Variants in ZNF407 observed in about 807,000 individuals in gnomAD.
ZNF407 encodes zinc finger protein 407.
ZNF407 carries 17 observed loss-of-function variants against 131.2 expected under a neutral mutation model. The ratio of observed to expected loss-of-function variants is 0.13; its 90% CI spans 0.09 to 0.19. ZNF407 has a LOEUF of 0.19. Ranked by LOEUF, ZNF407 falls within the 10% of genes least tolerant of loss-of-function variation. ZNF407 has a pLI of 1.00. For synonymous variants in ZNF407, 1,156 were observed against 1,062.0 expected (o/e 1.09, Z -1.72); for missense variants, 2,681 against 2,830.6 (o/e 0.95, Z 1.20).
At chr18:74,783,088 C>T (rs534996868) in intron 4 of ZNF407, among the ~76,000 whole-genome samples, 2 of 152,270 alleles carry the variant, frequency 1.3e-5, no homozygotes, top group South Asian at 4.1e-4. Context: ...AGAAACAGAA[C>T]ATATTTGTAA....
At chr18:74,900,795 T>G (rs762831185) in intron 7 of ZNF407, among the ~76,000 whole-genome samples, 1 of 152,232 alleles carries the variant, frequency 6.6e-6, no homozygotes, top group Non-Finnish European at 1.5e-5. Flanking sequence ...TTCAGCTTAT[T>G]CCAAGTAGTT....
chr18:74,631,741 A>C lies in ZNF407; in HGVS notation c.722A>C (p.Gln241Pro). The change falls in exon 2 of 9, where the codon CAG (glutamine) becomes CCG (proline). Residue 241 changes from glutamine (Q) to proline (P), a missense_variant. Coordinates refer to ENST00000299687, the MANE Select transcript of ZNF407 (RefSeq NM_017757.3). Reference sequence around the variant, plus strand: ...CATATCAAACAAGCACATGGGCCACAGAAGGTCTTTTCCTGTGATCTTTGT... The same window carrying C: ...CATATCAAACAAGCACATGGGCCACCGAAGGTCTTTTCCTGTGATCTTTGT... ...HMHIKQAHGP[Q>P]KVFSCDLCGF... 6.2e-7 allele frequency: 1 copy of C among 1,614,050 alleles called. No individual in the cohort carries two copies. Among genetic ancestry groups the C allele is most frequent in the Non-Finnish European group, 8.5e-7 (1 of 1,179,898 alleles).
chr18:75,063,416 G>A lies in ZNF407; in HGVS notation c.5695G>A (p.Val1899Met). The change falls in exon 9 of 9, where the codon GTG becomes ATG. Residue 1899 changes from valine (V) to methionine (M), a missense_variant. Physicochemically the swap from Val to Met is conservative, Grantham distance 21. Coordinates refer to ENST00000299687, the MANE Select transcript of ZNF407 (RefSeq NM_017757.3). This position sits in a 1 kb window ranked among gnomAD's most constrained non-coding sequence, Gnocchi z 6.6. Reference protein sequence around the residue: ...TLQTLAMAGQVARVVHITEDG... With the variant: ...TLQTLAMAGQMARVVHITEDG... Reference sequence around the variant, plus strand: ...GCAGACGCTGGCCATGGCCGGCCAGGTGGCCCGGGTGGTGCATATCACGGA... The same window carrying A: ...GCAGACGCTGGCCATGGCCGGCCAGATGGCCCGGGTGGTGCATATCACGGA... 2 of 1,610,186 alleles carry A rather than the reference G, an allele frequency of 1.2e-6. No homozygotes were observed. Among genetic ancestry groups the A allele is most frequent in the Middle Eastern group, 1.7e-4 (1 of 6,058 alleles).
chr18:75,034,493 G>A (rs1347385231), intron 8 of ZNF407, among the ~76,000 whole-genome samples: 1 of 151,480 alleles, frequency 6.6e-6, no homozygotes, highest in East Asian at 1.9e-4. Flanking sequence ...TAGTGGAGAC[G>A]GGGTTTCACC....
chr18:74,955,855 G>T (rs1466120620), intron 8 of ZNF407, among the ~76,000 whole-genome samples: 1 of 152,172 alleles, frequency 6.6e-6, no homozygotes, highest in African/African-American at 2.4e-5. Flanking sequence ...CACACACGGT[G>T]CACGTGTTCC....
At chr18:74,662,795 T>C (rs1985768697) in intron 3 of ZNF407, among the ~76,000 whole-genome samples, 1 of 152,340 alleles carries the variant, frequency 6.6e-6, no homozygotes, top group East Asian at 1.9e-4. Flanking sequence ...TCAGTCACTT[T>C]AGAAGGTGAA....
At chr18:74,689,845 G>T (rs1967178836) in intron 3 of ZNF407, among the ~76,000 whole-genome samples, 1 of 152,150 alleles carries the variant, frequency 6.6e-6, no homozygotes, top group Non-Finnish European at 1.5e-5. Context: ...TAACAGCTGG[G>T]GGCTTGAGAG....
At position 75,064,396 on chromosome 18, in the gene ZNF407, C is replaced by A; in HGVS notation, c.6675C>A (p.Tyr2225Ter). 6.4e-7 allele frequency: 1 copy of A among 1,557,338 alleles called. No homozygotes were observed. Among genetic ancestry groups the A allele is most frequent in the South Asian group, 1.2e-5 (1 of 84,442 alleles). ...RAEQLASVVI[Y>*]TQEGSSAAAA... ...AGCAGCTGGCCAGCGTGGTCATCTACACCCAGGAGGGCTCCTCGGCCGCGG... is the reference window on the plus strand; with the variant it reads ...AGCAGCTGGCCAGCGTGGTCATCTAAACCCAGGAGGGCTCCTCGGCCGCGG... The change falls in exon 9 of 9, where the codon TAC becomes TAA. Residue 2225 changes from tyrosine (Y) to a stop codon, truncating the protein, a stop_gained. Coordinates refer to ENST00000299687, the MANE Select transcript of ZNF407 (RefSeq NM_017757.3). LOFTEE classifies it high-confidence loss of function.
At chr18:74,829,679 T>C (rs1366561354) in intron 4 of ZNF407, among the ~76,000 whole-genome samples, 1 of 152,204 alleles carries the variant, frequency 6.6e-6, no homozygotes, top group Non-Finnish European at 1.5e-5. Context: ...AAAAACACTC[T>C]GGAATGATAA....
At chr18:74,955,369 A>G (rs1457521028) in intron 8 of ZNF407, among the ~76,000 whole-genome samples, 1 of 152,178 alleles carries the variant, frequency 6.6e-6, no homozygotes, top group Non-Finnish European at 1.5e-5. Context: ...TTCAACCTAG[A>G]TTTGGTAGAG....
chr18:74,641,200 C>A, intron 3 of ZNF407, 78 bp downstream of exon 3: 2 of 1,173,092 alleles, frequency 1.7e-6, no homozygotes, highest in Admixed American at 1.7e-5. Flanking sequence ...AATTCAAAAC[C>A]GATAGGAGTA....
rs1424053644 is a variant in ZNF407 at position 74,982,971 on chromosome 18, C to T, written c.5428+62279C>T. Among the ~76,000 whole-genome samples, 67 of 151,896 alleles carry T rather than the reference C, an allele frequency of 4.4e-4. 1 individual carries two copies. Among genetic ancestry groups the T allele is most frequent in the Non-Finnish European group, 5.9e-5 (4 of 67,958 alleles). On this transcript the variant is annotated intron_variant, in intron 8 of 8. Transcript: ENST00000299687. ...AAGTTGTCTGAAAAAAAATTTTTTT[C>T]CTTTTATCATCATTTAATTTTCCTA...
chr18:74,729,423 G>C (rs1424338747), intron 3 of ZNF407, among the ~76,000 whole-genome samples: 1 of 152,020 alleles, frequency 6.6e-6, no homozygotes, highest in Non-Finnish European at 1.5e-5. Context: ...TTCTCCACTA[G>C]AGGAATGGTT....
chr18:74,667,619 C>T (rs1417961265), intron 3 of ZNF407, among the ~76,000 whole-genome samples: 4 of 152,164 alleles, frequency 2.6e-5, no homozygotes, highest in Non-Finnish European at 5.9e-5. Flanking sequence ...TTAGGATAAG[C>T]GACATGACCA....
chr18:74,920,430 ACAGTGTTATG>A, intron 7 of ZNF407, 74 bp from the exon 8 acceptor site: 1 of 1,135,898 alleles, frequency 8.8e-7, no homozygotes, highest in Non-Finnish European at 1.2e-6. Flanking sequence ...ACACATACAG[ACAGTGTTATG>A]TAATATCATT....
At chr18:74,676,826 A>T (rs549371253) in intron 3 of ZNF407, among the ~76,000 whole-genome samples, 175 of 152,250 alleles carry the variant, frequency 1.1e-3, no homozygotes, top group African/African-American at 3.9e-3. Context: ...AATCTGAAAG[A>T]TTATCAGTTT....
intron 3 of ZNF407, among the ~76,000 whole-genome samples, chr18:74,641,821 T>C (rs772024666): frequency 1.3e-5 from 2 of 152,202 alleles, no homozygotes; most frequent in Non-Finnish European, 2.9e-5. Flanking sequence ...ATATATGGTA[T>C]AACATAGGAC....
chr18:74,807,975 C>T (rs1037857197), intron 4 of ZNF407, among the ~76,000 whole-genome samples: 2 of 151,924 alleles, frequency 1.3e-5, no homozygotes, highest in African/African-American at 4.8e-5. Context: ...ACCTCAGCTT[C>T]TCAAAGAGCT....
At chr18:74,749,600 A>T (rs924406687) in intron 3 of ZNF407, among the ~76,000 whole-genome samples, 1 of 152,214 alleles carries the variant, frequency 6.6e-6, no homozygotes, top group African/African-American at 2.4e-5. Flanking sequence ...TGCAGCAGAG[A>T]TGTCAGAAAA....
Sources: allele counts gnomAD v4.1 joint callset (sites outside exome capture counted in the v4.1 genomes callset), GRCh38; gene constraint gnomAD v4.1.1; non-coding constraint Gnocchi (gnomAD v3.1); transcripts MANE v1.5; gene names NCBI Gene and HGNC (gene_info 2026-07-23, HGNC 2026-07-21).